The following COL19A1 variants were observed in gnomAD, a reference collection of about 807,000 sequenced individuals.
COL19A1 encodes collagen type XIX alpha 1 chain.
COL19A1 carries 159 observed loss-of-function variants against 190.2 expected under a neutral mutation model. The observed-to-expected ratio is 0.84, with a 90% CI of 0.73 to 0.95. The LOEUF (loss-of-function observed/expected upper bound fraction) is 0.95, where lower values mean the gene tolerates loss of function less well. COL19A1 is among the 40% of genes least tolerant of loss of function. The pLI is 0.00. For synonymous variants in COL19A1, 509 were observed against 458.9 expected, an observed-to-expected ratio of 1.11 and a Z score of -1.39; for missense variants, 1,418 against 1,431.9, an observed-to-expected ratio of 0.99 and a Z score of 0.16.
chr6:70,038,277 A>G (rs1189079579), intron 14 of COL19A1, among the ~76,000 whole-genome samples: 1 of 152,240 alleles, frequency 6.6e-6, no homozygotes, highest in Non-Finnish European at 1.5e-5. Flanking sequence ...AACTTAACCA[A>G]TATTGGGGCT....
At chr6:70,087,046 A>G in intron 15 of COL19A1, among the ~76,000 whole-genome samples, 1 of 152,148 alleles carries the variant, frequency 6.6e-6, no homozygotes, top group East Asian at 1.9e-4. Flanking sequence ...ATTTGCTTAC[A>G]TATTGCCTTT....
chr6:70,173,528 C>T (rs1765622832), intron 41 of COL19A1, among the ~76,000 whole-genome samples: 1 of 152,160 alleles, frequency 6.6e-6, no homozygotes, highest in Admixed American at 6.5e-5. Flanking sequence ...TCTCCTGTCT[C>T]AAATACTGCA....
At chr6:69,906,953 AG>A (rs1421029641) in intron 4 of COL19A1, among the ~76,000 whole-genome samples, 1 of 152,170 alleles carries the variant, frequency 6.6e-6, no homozygotes, top group Non-Finnish European at 1.5e-5. Context: ...GGACTTTAAC[AG>A]TTCCCTTGAA....
chr6:70,121,920 G>A lies in COL19A1; in HGVS notation c.1319G>A (p.Gly440Glu). The A allele has an allele frequency of 3.2e-6, 5 of 1,586,952 alleles. No homozygotes were observed. The South Asian group carries it at 5.9e-5, about 19-fold the overall frequency. ...GIQGIHQTLG[G>E]YYNKDNKGND... Reference sequence around the variant, plus strand: ...CAAGGAATACACCAAACTCTTGGTGGATATTATAACAAGGATAACAAGGTA... The same window carrying A: ...CAAGGAATACACCAAACTCTTGGTGAATATTATAACAAGGATAACAAGGTA... Residue 440 changes from glycine to glutamate, a missense_variant, in exon 17 of 51, where the codon GGA becomes GAA. Gly to Glu is a moderately conservative substitution (Grantham distance 98). Coordinates refer to ENST00000620364, the MANE Select transcript of COL19A1 (RefSeq NM_001858.6).
In COL19A1 at chr6:69,902,026, C is replaced by T. The variant is rs145763281; in HGVS notation, c.266+1688C>T. On this transcript the variant is annotated intron_variant, in intron 4 of 50. Coordinates refer to ENST00000620364, the MANE Select transcript of COL19A1 (RefSeq NM_001858.6). ...TTGGGTTCTAAATCACTGCCCAATCCATGGGTAATCAATGTAAGTGAATTC... is the reference window on the plus strand; with the variant it reads ...TTGGGTTCTAAATCACTGCCCAATCTATGGGTAATCAATGTAAGTGAATTC... 2.4e-3 allele frequency among the ~76,000 whole-genome samples: 368 copies of T among 152,266 alleles called. 3 individuals are homozygous for T. Among genetic ancestry groups the T allele is most frequent in the African/African-American group, 8.5e-3 (353 of 41,564 alleles).
At position 69,976,901 on chromosome 6, in the gene COL19A1, G is replaced by A. The variant is rs149139256; in HGVS notation, c.1026+14031G>A. ...GTTTAGCTCACTCTTCCCTGGTAGG[G>A]AATACCACCTGACCAAAAGCTTGAG... is the stretch of plus-strand genomic sequence containing the variant. On this transcript the variant is annotated intron_variant, in intron 11 of 50. Transcript: ENST00000620364. Among the ~76,000 whole-genome samples the A allele has an allele frequency of 8.1e-3, 1,229 of 152,262 alleles. 18 individuals carry two copies. The highest frequency in any genetic ancestry group is 0.026 in the African/African-American group (1,069 of 41,542).
At chr6:69,928,901 A>C (rs1198062993) in intron 5 of COL19A1, among the ~76,000 whole-genome samples, 1 of 152,152 alleles carries the variant, frequency 6.6e-6, no homozygotes, top group Admixed American at 6.6e-5. Context: ...TGATGAGTAG[A>C]TCAACCAAGA....
chr6:69,933,589 A>G (rs978730553), intron 7 of COL19A1, among the ~76,000 whole-genome samples: 4 of 152,068 alleles, frequency 2.6e-5, no homozygotes, highest in Non-Finnish European at 5.9e-5. Flanking sequence ...CTCTCATTCT[A>G]AATATTCCCA....
chr6:69,948,279 G>A (rs564231777), intron 9 of COL19A1, among the ~76,000 whole-genome samples: 4 of 151,946 alleles, frequency 2.6e-5, no homozygotes, highest in African/African-American at 9.6e-5. Flanking sequence ...GGGATGTAAC[G>A]TGAGACTTAC....
At chr6:69,931,669 C>T (rs1415548921) in intron 6 of COL19A1, among the ~76,000 whole-genome samples, 4 of 151,846 alleles carry the variant, frequency 2.6e-5, no homozygotes, top group Admixed American at 2.0e-4. Flanking sequence ...AAAAATTAAC[C>T]TTAATAACCT....
chr6:70,189,927 C>A (rs1766749013), intron 47 of COL19A1, among the ~76,000 whole-genome samples: 1 of 152,144 alleles, frequency 6.6e-6, no homozygotes, highest in Admixed American at 6.5e-5. Flanking sequence ...ACTTTGCCAT[C>A]CAGGGATTGG....
intron 14 of COL19A1, chr6:70,059,859 C>A: frequency 2.1e-6 from 1 of 465,328 alleles, no homozygotes; most frequent in South Asian, 1.6e-5. Context: ...ATTTTTATAG[C>A]AGACTAAGTA....
intron 49 of COL19A1, among the ~76,000 whole-genome samples, chr6:70,202,754 T>G (rs999517635): frequency 1.3e-5 from 2 of 152,218 alleles, no homozygotes; most frequent in African/African-American, 4.8e-5. Context: ...GGATCCGCCT[T>G]CAGCACCCTG....
chr6:70,055,896 GT>G (rs1046752094), intron 14 of COL19A1, among the ~76,000 whole-genome samples: 3 of 148,716 alleles, frequency 2.0e-5, no homozygotes, highest in African/African-American at 7.4e-5. Context: ...GTTTCGGTTT[GT>G]TTTTTTTCTG....
At chr6:69,941,520 T>TAAAA (rs1183278385) in intron 9 of COL19A1, among the ~76,000 whole-genome samples, 2 of 152,138 alleles carry the variant, frequency 1.3e-5, no homozygotes, top group African/African-American at 4.8e-5. Context: ...TTATTAGATG[T>TAAAA]AAAAATGTTG....
chr6:69,947,439 T>C (rs895862906), intron 9 of COL19A1, among the ~76,000 whole-genome samples: 1 of 151,886 alleles, frequency 6.6e-6, no homozygotes, highest in South Asian at 2.1e-4. Flanking sequence ...TTTAAAAAAT[T>C]GTTGTATTTG....
intron 15 of COL19A1, among the ~76,000 whole-genome samples, chr6:70,097,944 C>T (rs1248197260): frequency 6.6e-6 from 1 of 152,162 alleles, no homozygotes; most frequent in Non-Finnish European, 1.5e-5. Context: ...CCAGGATTTT[C>T]ACTCCACCCA....
intron 38 of COL19A1, 29 bp downstream of exon 38, chr6:70,168,104 C>T (rs766341451): frequency 1.3e-5 from 20 of 1,584,836 alleles, no homozygotes; most frequent in Non-Finnish European, 1.6e-5. Context: ...ATTTAAAATC[C>T]AGTTATAGAC....
chr6:70,144,247 G>C lies in COL19A1; in HGVS notation c.1664G>C (p.Gly555Ala). Residue 555 changes from glycine (G) to alanine (A), a missense_variant, in exon 24 of 51, where the codon GGC becomes GCC. Physicochemically the swap from Gly to Ala is moderately conservative, Grantham distance 60. Transcript: ENST00000620364. ...GAACATGGTATCCCAGGAAAACAAG[G>C]CATTAAAGGAGAAAAGGTATAGTTT... ...PGEHGIPGKQGIKGEKGDPGG... is the reference protein window; with the variant it reads ...PGEHGIPGKQAIKGEKGDPGG... 1 of 1,612,308 alleles carries C rather than the reference G, an allele frequency of 6.2e-7. No individual in the cohort carries two copies. Among genetic ancestry groups the C allele is most frequent in the African/African-American group, 1.3e-5 (1 of 74,914 alleles).
Sources: gnomAD v4.1 joint callset for allele counts (sites outside exome capture counted in the v4.1 genomes callset) on GRCh38, gnomAD v4.1.1 for gene constraint, MANE v1.5 for transcripts, NCBI Gene and HGNC (gene_info 2026-07-23, HGNC 2026-07-21) for gene names.